CDK6: variants seen among roughly 807,000 people sequenced by gnomAD.
CDK6 encodes cyclin-dependent kinase 6.
Under a neutral mutation model 37.1 loss-of-function variants are expected in CDK6, and 6 were observed. That is an observed-to-expected ratio of 0.16 (90% confidence interval 0.09 to 0.32). CDK6 has a LOEUF of 0.32. Ranked by LOEUF, CDK6 falls within the 10% of genes least tolerant of loss-of-function variation. CDK6 has a pLI of 1.00. For missense variants in CDK6, 224 were observed against 418.9 expected, an observed-to-expected ratio of 0.53 and a Z score of 4.06; for synonymous variants, 160 against 161.3, an observed-to-expected ratio of 0.99 and a Z score of 0.06.
At chr7:92,656,376 G>A (rs1395997848) in intron 5 of CDK6, among the ~76,000 whole-genome samples, 3 of 152,136 alleles carry the variant, frequency 2.0e-5, no homozygotes, top group African/African-American at 4.8e-5. Flanking sequence ...GCAAGGGCCC[G>A]TATGGAGTTA....
At chr7:92,622,498 T>C (rs1562913497) in intron 6 of CDK6, among the ~76,000 whole-genome samples, 1 of 152,200 alleles carries the variant, frequency 6.6e-6, no homozygotes, top group Non-Finnish European at 1.5e-5. Context: ...TTTAAATGAC[T>C]TTCTCAAAGT....
intron 2 of CDK6, among the ~76,000 whole-genome samples, chr7:92,811,247 G>T (rs1800876094): frequency 6.6e-6 from 1 of 151,966 alleles, no homozygotes; most frequent in African/African-American, 2.4e-5. Flanking sequence ...CATTGTGAAC[G>T]AGCCTGGGAT....
intron 2 of CDK6, among the ~76,000 whole-genome samples, chr7:92,811,430 A>G (rs561585769): frequency 6.6e-6 from 1 of 152,072 alleles, no homozygotes; most frequent in Admixed American, 6.6e-5. Flanking sequence ...AAATGAAAAG[A>G]TTCTTTCTTG....
chr7:92,743,650 C>T (rs1051973579), intron 3 of CDK6, among the ~76,000 whole-genome samples: 2 of 152,050 alleles, frequency 1.3e-5, no homozygotes, highest in Admixed American at 1.3e-4. Context: ...ATTAAAAGCA[C>T]AATAAGATAT....
At chr7:92,800,471 G>A (rs1307884328) in intron 2 of CDK6, among the ~76,000 whole-genome samples, 1 of 152,160 alleles carries the variant, frequency 6.6e-6, no homozygotes, top group Non-Finnish European at 1.5e-5. Context: ...CTAGAATTGT[G>A]TCTGTATCTC....
At chr7:92,648,320 G>A (rs374430887) in intron 5 of CDK6, among the ~76,000 whole-genome samples, 7 of 152,262 alleles carry the variant, frequency 4.6e-5, no homozygotes, top group African/African-American at 1.7e-4. Context: ...GCAAATAGGG[G>A]AAAAATCTCA....
chr7:92,688,628 C>CAA (rs1797524987), intron 4 of CDK6, among the ~76,000 whole-genome samples: 1 of 149,454 alleles, frequency 6.7e-6, no homozygotes, highest in South Asian at 2.1e-4. Context: ...CACACACACA[C>CAA]ACACAGAGTT....
At chr7:92,770,113 G>C (rs982544139) in intron 3 of CDK6, among the ~76,000 whole-genome samples, 1 of 152,068 alleles carries the variant, frequency 6.6e-6, no homozygotes, top group Non-Finnish European at 1.5e-5. Context: ...TCCTGAATTA[G>C]AAAGAGGAAA....
intron 6 of CDK6, among the ~76,000 whole-genome samples, chr7:92,620,921 A>G (rs996502616): frequency 6.6e-6 from 1 of 150,892 alleles, no homozygotes; most frequent in Non-Finnish European, 1.5e-5. Context: ...AGAAAAAAAT[A>G]AAAAAGAGTA....
At chr7:92,798,912 A>C (rs931694043) in intron 2 of CDK6, among the ~76,000 whole-genome samples, 1 of 152,186 alleles carries the variant, frequency 6.6e-6, no homozygotes, top group Non-Finnish European at 1.5e-5. Flanking sequence ...GATTCACAGG[A>C]AAGTGTCCTC....
In CDK6 at chr7:92,664,090, A is replaced by G. The variant is rs185510010; in HGVS notation, c.647+7336T>C. On this transcript the variant is annotated intron_variant, in intron 5 of 7. Coordinates refer to ENST00000424848, the MANE Select transcript of CDK6 (RefSeq NM_001145306.2). The stretch of plus-strand genomic sequence containing the variant: ...CGGGAGGCGGAACTTGCAGTGAGCC[A>G]AGATCGTGCCACTGCACTCCAGCCT... 5.0e-3 allele frequency among the ~76,000 whole-genome samples: 764 copies of G among 151,548 alleles called. 5 individuals carry two copies. Among genetic ancestry groups the G allele is most frequent in the African/African-American group, 0.017 (712 of 41,308 alleles).
In CDK6 at chr7:92,613,443, G is replaced by T. The variant is rs186046652; in HGVS notation, c.*1697C>A. Reference sequence around the variant, plus strand: ...CTAAACTTTCCAAAAGATACTTTCTGTGTCCTCTGGTTACTAGAGCCAACT... The same window carrying T: ...CTAAACTTTCCAAAAGATACTTTCTTTGTCCTCTGGTTACTAGAGCCAACT... On this transcript the variant is annotated 3_prime_UTR_variant, in exon 8 of 8. Transcript: ENST00000424848. 59 of 233,692 alleles carry T rather than the reference G, an allele frequency of 2.5e-4. 1 individual carries two copies. In the East Asian group the frequency reaches 3.4e-3, roughly 14 times the overall value. 14.5% of individuals were successfully genotyped at this position (233,692 alleles called of 1,614,324 possible). A position where few individuals can be genotyped will look rare whatever the true frequency, so the allele number is the denominator to read the frequency against.
intron 2 of CDK6, among the ~76,000 whole-genome samples, chr7:92,786,210 G>C (rs962106730): frequency 6.6e-6 from 1 of 152,112 alleles, no homozygotes; most frequent in Non-Finnish European, 1.5e-5. Context: ...CTAGGCAGCC[G>C]CCTGTAATGA....
chr7:92,786,231 C>T (rs1306441137), intron 2 of CDK6, among the ~76,000 whole-genome samples: 1 of 152,180 alleles, frequency 6.6e-6, no homozygotes, highest in Non-Finnish European at 1.5e-5. Context: ...AGACTGTCTG[C>T]TGTGTCTTAG....
At chr7:92,819,271 C>T (rs1454535376) in intron 2 of CDK6, among the ~76,000 whole-genome samples, 1 of 152,030 alleles carries the variant, frequency 6.6e-6, no homozygotes. Context: ...AAAACACTAT[C>T]AATGAAAGCC....
intron 5 of CDK6, among the ~76,000 whole-genome samples, chr7:92,645,028 TG>T (rs1324020032): frequency 6.6e-6 from 1 of 152,200 alleles, no homozygotes; most frequent in Non-Finnish European, 1.5e-5. Context: ...TCATCGGGTT[TG>T]GCATGGAAAG....
chr7:92,809,001 AC>A (rs975380296), intron 2 of CDK6, among the ~76,000 whole-genome samples: 18 of 152,200 alleles, frequency 1.2e-4, no homozygotes, highest in Admixed American at 3.3e-4. Flanking sequence ...AAAGATGAAA[AC>A]ACATAAACAC....
In CDK6 at chr7:92,615,275, T is replaced by C. The variant is rs55860121; in HGVS notation, c.846A>G (p.Thr282=). 1,107 of 1,613,478 alleles carry C rather than the reference T, an allele frequency of 6.9e-4. 4 individuals are homozygous for C. The highest frequency in any genetic ancestry group is 3.0e-3 in the Middle Eastern group (18 of 6,014). Residue 282 remains threonine, a synonymous_variant, in exon 8 of 8, where the codon ACA becomes ACG. Coordinates refer to ENST00000424848, the MANE Select transcript of CDK6 (RefSeq NM_001145306.2). ...CAGATATTCTTTTGGCTGGGTTAAA[T>C]GTCAAACACTTCTGTAATAAAGAAA... ...LGKDLLLKCL[T]FNPAKRISAY...
intron 4 of CDK6, among the ~76,000 whole-genome samples, chr7:92,718,338 T>C (rs1422162939): frequency 1.3e-5 from 2 of 152,230 alleles, no homozygotes; most frequent in East Asian, 1.9e-4. Flanking sequence ...ATTATACTCA[T>C]GTAATGTTCT....
Sources: gnomAD v4.1 joint callset for allele counts (sites outside exome capture counted in the v4.1 genomes callset) on GRCh38, gnomAD v4.1.1 for gene constraint, MANE v1.5 for transcripts, NCBI Gene and HGNC (gene_info 2026-07-23, HGNC 2026-07-21) for gene names.